The following RGS6 variants were observed in gnomAD, a reference collection of about 807,000 sequenced individuals.
RGS6 encodes the protein regulator of G-protein signaling 6.
A neutral mutation model predicts 78.5 loss-of-function variants in RGS6; 30 were observed. The ratio of observed to expected loss-of-function variants is 0.38; its 90% CI spans 0.29 to 0.52. The LOEUF (loss-of-function observed/expected upper bound fraction) is 0.52, where lower values mean the gene tolerates loss of function less well. Ranked by LOEUF, RGS6 falls within the 20% of genes least tolerant of loss-of-function variation. The pLI is 0.85. For missense variants in RGS6, 495 were observed against 609.7 expected, an observed-to-expected ratio of 0.81 and a Z score of 1.98; for synonymous variants, 206 against 206.0, an observed-to-expected ratio of 1.00 and a Z score of 0.00.
the RGS6 span, among the ~76,000 whole-genome samples, chr14:71,889,998 C>G: frequency 6.6e-6 from 1 of 152,158 alleles, no homozygotes; most frequent in African/African-American, 2.4e-5. Context: ...TAACCTAAGA[C>G]GGTCTGCTCC....
the RGS6 span, among the ~76,000 whole-genome samples, chr14:71,882,604 G>A: frequency 6.6e-6 from 1 of 152,136 alleles, no homozygotes; most frequent in Non-Finnish European, 1.5e-5. Flanking sequence ...GATTTTCTAG[G>A]GATGCTTACC....
At chr14:72,167,052 A>T (rs947424728) in intron 2 of RGS6, among the ~76,000 whole-genome samples, 11 of 151,920 alleles carry the variant, frequency 7.2e-5, no homozygotes, top group Admixed American at 2.0e-4. Flanking sequence ...CAAATAAGTC[A>T]TTTTTTTTTC....
the RGS6 span, among the ~76,000 whole-genome samples, chr14:72,624,333 C>CTTTTTTTTTTTTTTTTTTTTTT: frequency 1.0e-5 from 1 of 97,796 alleles, no homozygotes; most frequent in African/African-American, 3.9e-5. Flanking sequence ...ACCTATGTCT[C>CTTTTTTTTTTTTTTTTTTTTTT]TTTTTTTTTT....
At chr14:72,398,374 AT>A (rs1363414209) in intron 3 of RGS6, among the ~76,000 whole-genome samples, 8 of 152,144 alleles carry the variant, frequency 5.3e-5, no homozygotes. Context: ...GGTAGTTTGT[AT>A]TTCTGTGGGA....
At chr14:72,584,579 G>A in the RGS6 span, among the ~76,000 whole-genome samples, 1,519 of 152,262 alleles carry the variant, frequency 1.0e-2, 8 homozygotes, top group Non-Finnish European at 0.015. Context: ...AAGGCCCAAG[G>A]TGAGACAGGT....
At chr14:72,102,896 G>C (rs977342454) in intron 2 of RGS6, among the ~76,000 whole-genome samples, 4 of 152,030 alleles carry the variant, frequency 2.6e-5, no homozygotes, top group African/African-American at 7.3e-5. Context: ...TCACACTCAG[G>C]GTTCGTGATT....
At chr14:72,171,254 T>C (rs114821381) in intron 2 of RGS6, among the ~76,000 whole-genome samples, 1 of 152,144 alleles carries the variant, frequency 6.6e-6, no homozygotes, top group Admixed American at 6.5e-5. Context: ...CATGTACACA[T>C]GTATGGACCT....
At chr14:72,172,041 C>T (rs894946660) in intron 2 of RGS6, among the ~76,000 whole-genome samples, 15 of 152,168 alleles carry the variant, frequency 9.9e-5, no homozygotes, top group African/African-American at 2.4e-4. Context: ...TTTTGTGATT[C>T]GGGATCTGGC....
intron 3 of RGS6, among the ~76,000 whole-genome samples, chr14:72,375,646 A>G (rs1234210596): frequency 1.3e-5 from 2 of 152,218 alleles, no homozygotes; most frequent in African/African-American, 2.4e-5. Context: ...GTGTGCAGAC[A>G]TATGCCTCCA....
chr14:71,986,626 C>T (rs903531656), intron 2 of RGS6, among the ~76,000 whole-genome samples: 2 of 152,142 alleles, frequency 1.3e-5, no homozygotes, highest in African/African-American at 4.8e-5. Flanking sequence ...GGGAGGATCA[C>T]CTGAGCCTGG....
At chr14:72,436,718 C>T (rs1344137199) in intron 3 of RGS6, among the ~76,000 whole-genome samples, 3 of 152,320 alleles carry the variant, frequency 2.0e-5, no homozygotes, top group African/African-American at 7.2e-5. Context: ...ACCTGTCTTA[C>T]TATTAATATC....
At chr14:72,449,241 C>A (rs986204135) in intron 3 of RGS6, among the ~76,000 whole-genome samples, 1 of 152,162 alleles carries the variant, frequency 6.6e-6, no homozygotes, top group Non-Finnish European at 1.5e-5. Flanking sequence ...GTGTCTTTCC[C>A]CAACAGTCAA....
At chr14:72,570,886 A>T (rs1385748836), downstream of RGS6, among the ~76,000 whole-genome samples, 3 of 152,184 alleles carry the variant, frequency 2.0e-5, no homozygotes, top group Non-Finnish European at 2.9e-5. Flanking sequence ...TATTGTCCTT[A>T]TTGACGTCCA....
At chr14:72,582,002 G>A in the RGS6 span, among the ~76,000 whole-genome samples, 8 of 152,176 alleles carry the variant, frequency 5.3e-5, no homozygotes, top group Non-Finnish European at 1.0e-4. Context: ...AAATGGACAC[G>A]TATGAAGACA....
chr14:72,097,091 G>A (rs2095424588), intron 2 of RGS6, among the ~76,000 whole-genome samples: 1 of 152,218 alleles, frequency 6.6e-6, no homozygotes, highest in Non-Finnish European at 1.5e-5. Context: ...AATTGGGAGT[G>A]AGTTGAAATC....
intron 2 of RGS6, among the ~76,000 whole-genome samples, chr14:72,017,272 A>G (rs8011953): frequency 0.33 from 49,693 of 152,200 alleles, 10,212 homozygotes; most frequent in African/African-American, 0.58. Context: ...TTTTCCTATT[A>G]TTGCTGGTGT....
chr14:72,446,302 A>G (rs1176302667), intron 3 of RGS6, among the ~76,000 whole-genome samples: 2 of 152,224 alleles, frequency 1.3e-5, no homozygotes. Context: ...ATACCTTGTC[A>G]TGGAAGTCAT....
At chr14:72,139,319 A>G (rs1023530846) in intron 2 of RGS6, among the ~76,000 whole-genome samples, 5 of 152,180 alleles carry the variant, frequency 3.3e-5, no homozygotes, top group African/African-American at 7.2e-5. Context: ...ATAGTCTTCT[A>G]ATATAGGCCT....
chr14:72,086,407 C>T (rs1286838932), intron 2 of RGS6, among the ~76,000 whole-genome samples: 1 of 152,238 alleles, frequency 6.6e-6, no homozygotes, highest in Admixed American at 6.5e-5. Flanking sequence ...TCCAAAAGAA[C>T]CAGTACATAC....
Sources: allele counts gnomAD v4.1 joint callset (sites outside exome capture counted in the v4.1 genomes callset), GRCh38; gene constraint gnomAD v4.1.1; transcripts MANE v1.5; gene names NCBI Gene and HGNC (gene_info 2026-07-23, HGNC 2026-07-21).